The following NTRK3 variants were observed in gnomAD, a reference collection of about 807,000 sequenced individuals.
NTRK3 encodes the protein neurotrophic receptor tyrosine kinase 3.
A neutral mutation model predicts 91.7 loss-of-function variants in NTRK3; 24 were observed. That is an observed-to-expected ratio of 0.26 (90% confidence interval 0.19 to 0.37). NTRK3 has a LOEUF of 0.37. Among genes scored for constraint, NTRK3 ranks in the 10% least tolerant of loss-of-function variants. The pLI is 1.00. For synonymous variants in NTRK3, 483 were observed against 404.0 expected (o/e 1.20, Z -2.34); for missense variants, 880 against 1,068.9 (o/e 0.82, Z 2.46).
chr15:87,886,701 CATATAT>C (rs2065569096), intron 17 of NTRK3, among the ~76,000 whole-genome samples: 2 of 51,468 alleles, frequency 3.9e-5, no homozygotes, highest in African/African-American at 6.0e-5. Context: ...TATATATATA[CATATAT>C]ACACACACAC....
At chr15:88,207,940 G>A (rs2048932419) in intron 3 of NTRK3, among the ~76,000 whole-genome samples, 1 of 152,208 alleles carries the variant, frequency 6.6e-6, no homozygotes. Flanking sequence ...AGGTAACCTT[G>A]TGGATTCTGG....
At chr15:88,101,362 A>G (rs547464591) in intron 13 of NTRK3, among the ~76,000 whole-genome samples, 97 of 152,330 alleles carry the variant, frequency 6.4e-4, no homozygotes, top group Non-Finnish European at 1.2e-3. Flanking sequence ...AAAAGTCAGG[A>G]AACAACAGGT....
At chr15:88,244,615 G>C (rs1442272928) in intron 3 of NTRK3, among the ~76,000 whole-genome samples, 1 of 152,146 alleles carries the variant, frequency 6.6e-6, no homozygotes, top group African/African-American at 2.4e-5. Flanking sequence ...AATCACATCA[G>C]GACAGGCTCA....
At chr15:88,160,611 G>A (rs1011105260) in intron 5 of NTRK3, among the ~76,000 whole-genome samples, 1 of 152,226 alleles carries the variant, frequency 6.6e-6, no homozygotes, top group African/African-American at 2.4e-5. Context: ...AGGAGGACAT[G>A]TGAGCACACC....
chr15:87,901,598 T>C (rs961630947), intron 17 of NTRK3, among the ~76,000 whole-genome samples: 3 of 152,320 alleles, frequency 2.0e-5, no homozygotes, highest in Admixed American at 1.3e-4. Flanking sequence ...CCAGTGAACA[T>C]GGATATAGAA....
At chr15:88,115,261 T>C (rs56829074) in intron 13 of NTRK3, among the ~76,000 whole-genome samples, 35,194 of 152,168 alleles carry the variant, frequency 0.23, 4,279 homozygotes, top group Non-Finnish European at 0.25. Flanking sequence ...CTCCCTCAGG[T>C]TGGCATGCCC....
chr15:87,877,186 CG>C, intron 18 of NTRK3, 66 bp from the exon 20 acceptor site: 1 of 1,544,560 alleles, frequency 6.5e-7, no homozygotes. Context: ...GGCTCAGACT[CG>C]GCAAAAAGCA....
At chr15:88,080,332 A>G (rs953535262) in intron 13 of NTRK3, among the ~76,000 whole-genome samples, 2 of 152,194 alleles carry the variant, frequency 1.3e-5, no homozygotes, top group Admixed American at 1.3e-4. Flanking sequence ...TCCCTATAGC[A>G]GGGGAATGAG....
At chr15:87,878,906 G>GGTGTGTGTGT (rs34029623) in intron 18 of NTRK3, among the ~76,000 whole-genome samples, 4 of 141,952 alleles carry the variant, frequency 2.8e-5, no homozygotes, top group African/African-American at 5.2e-5. Flanking sequence ...GTGCATGCAT[G>GGTGTGTGTGT]GTGTGTGTGT....
intron 14 of NTRK3, among the ~76,000 whole-genome samples, chr15:87,951,628 G>T (rs767281352): frequency 2.0e-5 from 3 of 152,210 alleles, no homozygotes; most frequent in Non-Finnish European, 4.4e-5. Context: ...GAAATGAACA[G>T]GTCACCCAGT....
chr15:87,960,688 T>C (rs1201545336), intron 14 of NTRK3, among the ~76,000 whole-genome samples: 1 of 152,188 alleles, frequency 6.6e-6, no homozygotes, highest in Non-Finnish European at 1.5e-5. Flanking sequence ...TTTTGCCATG[T>C]TGGCCAGGCT....
At chr15:87,979,654 T>C (rs2074033218) in intron 14 of NTRK3, among the ~76,000 whole-genome samples, 1 of 151,992 alleles carries the variant, frequency 6.6e-6, no homozygotes, top group African/African-American at 2.4e-5. Context: ...CTGGAAACAC[T>C]CCATTTTGCT....
At chr15:88,110,971 A>C (rs2051278798) in intron 13 of NTRK3, among the ~76,000 whole-genome samples, 1 of 152,212 alleles carries the variant, frequency 6.6e-6, no homozygotes, top group Middle Eastern at 3.2e-3. Flanking sequence ...GGACAACTTC[A>C]GGAGATATTT....
At chr15:87,977,154 G>A (rs898309643) in intron 14 of NTRK3, among the ~76,000 whole-genome samples, 1 of 152,164 alleles carries the variant, frequency 6.6e-6, no homozygotes, top group Admixed American at 6.5e-5. Context: ...CGATGAAAAA[G>A]CACTTTACTG....
At chr15:87,913,942 G>A (rs1473330377) in intron 17 of NTRK3, among the ~76,000 whole-genome samples, 2 of 152,186 alleles carry the variant, frequency 1.3e-5, no homozygotes, top group African/African-American at 2.4e-5. Flanking sequence ...GGGAAAGAAT[G>A]AGCCTTGGAA....
chr15:87,912,929 AAAATATATATATAT>A lies in NTRK3; in HGVS notation c.2133+16248_2133+16261del, dbSNP rs1269213551. 1.9e-3 allele frequency among the ~76,000 whole-genome samples: 29 copies of A among 15,092 alleles called. 3 individuals carry two copies. Among genetic ancestry groups the A allele is most frequent in the South Asian group, 0.017 (6 of 362 alleles). 9.9% of individuals were successfully genotyped at this position (15,092 alleles called of 152,430 possible). A position where few individuals can be genotyped will look rare whatever the true frequency, so the allele number is the denominator to read the frequency against. Reference sequence around the variant, plus strand: ...TGTTCAACTTTTCAAAAAGTAAAAAAAAATATATATATATATATATATATATATATATATATATA... The same window carrying A: ...TGTTCAACTTTTCAAAAAGTAAAAAAATATATATATATATATATATATATA... On this transcript the variant is annotated intron_variant, in intron 17 of 18. Coordinates refer to ENST00000394480, the Ensembl canonical transcript of NTRK3.
chr15:88,256,113 C>A, exon 3 of NTRK3: 1 of 1,611,542 alleles, frequency 6.2e-7, no homozygotes, highest in Non-Finnish European at 8.5e-7. Context: ...CAAGAAAATC[C>A]GCCAGAAACT....
chr15:87,904,880 T>A (rs920578192), intron 17 of NTRK3, among the ~76,000 whole-genome samples: 1 of 152,154 alleles, frequency 6.6e-6, no homozygotes, highest in Non-Finnish European at 1.5e-5. Context: ...GAAAAGCTAA[T>A]TTGCTTGCTT....
intron 14 of NTRK3, among the ~76,000 whole-genome samples, chr15:87,991,238 C>A (rs558665462): frequency 2.0e-5 from 3 of 152,126 alleles, no homozygotes; most frequent in Non-Finnish European, 2.9e-5. Context: ...AGTCTTTTCA[C>A]CCCTGGCTAC....
Sources: allele counts gnomAD v4.1 joint callset (sites outside exome capture counted in the v4.1 genomes callset), GRCh38; gene constraint gnomAD v4.1.1; transcripts MANE v1.5; gene names NCBI Gene and HGNC (gene_info 2026-07-23, HGNC 2026-07-21).